The following ANKRD6 variants were observed in gnomAD, a reference collection of about 807,000 sequenced individuals.
ANKRD6 encodes ankyrin repeat domain-containing protein 6.
ANKRD6 carries 56 observed loss-of-function variants against 82.3 expected under a neutral mutation model. The observed-to-expected ratio is 0.68, with a 90% CI of 0.55 to 0.85. ANKRD6 has a LOEUF of 0.85. ANKRD6 is among the 40% of genes least tolerant of loss of function. The pLI is 0.00. For synonymous variants in ANKRD6, 347 were observed against 352.1 expected (o/e 0.99, Z 0.16); for missense variants, 852 against 907.6 (o/e 0.94, Z 0.79).
intron 1 of ANKRD6, among the ~76,000 whole-genome samples, chr6:89,553,091 A>T (rs1195024214): frequency 6.6e-6 from 1 of 152,236 alleles, no homozygotes; most frequent in South Asian, 2.1e-4. Context: ...AGAGAAGGTC[A>T]TGTGGGTTAG....
chr6:89,449,029 CAA>C (rs368751340), intron 1 of ANKRD6, among the ~76,000 whole-genome samples: 6 of 52,420 alleles, frequency 1.1e-4, no homozygotes, highest in Admixed American at 1.9e-4. Flanking sequence ...GACTCCGTCT[CAA>C]AAAAAAAAAA....
intron 1 of ANKRD6, among the ~76,000 whole-genome samples, chr6:89,491,954 C>T (rs1778062733): frequency 2.0e-5 from 3 of 152,182 alleles, no homozygotes. Context: ...TTTGTCCAAT[C>T]ATACTTCATC....
intron 1 of ANKRD6, among the ~76,000 whole-genome samples, chr6:89,466,584 T>C (rs1200228785): frequency 6.6e-6 from 1 of 152,244 alleles, no homozygotes; most frequent in Admixed American, 6.5e-5. Flanking sequence ...TTTTTAGCCT[T>C]TGTATTTTTA....
chr6:89,506,149 A>C (rs1562666336), intron 1 of ANKRD6, among the ~76,000 whole-genome samples: 2 of 152,156 alleles, frequency 1.3e-5, no homozygotes, highest in Admixed American at 6.5e-5. Context: ...CAGCATGGTG[A>C]CTATAGTTAG....
At chr6:89,493,581 T>A (rs966648504) in intron 1 of ANKRD6, among the ~76,000 whole-genome samples, 1 of 152,100 alleles carries the variant, frequency 6.6e-6, no homozygotes, top group African/African-American at 2.4e-5. Context: ...AGCTAATTTT[T>A]AAATTTTTTT....
chr6:89,582,216 T>A (rs559592965), intron 2 of ANKRD6, among the ~76,000 whole-genome samples: 12 of 152,170 alleles, frequency 7.9e-5, no homozygotes, highest in South Asian at 2.1e-4. Context: ...ATTAAAAAAA[T>A]TTTTTTGTAG....
In ANKRD6 at chr6:89,575,171, A is replaced by G. The variant is rs766655379; in HGVS notation, c.120+8075A>G. Among the ~76,000 whole-genome samples the G allele has an allele frequency of 1.6e-4, 24 of 152,200 alleles. 1 individual carries two copies. The highest frequency in any genetic ancestry group is 1.4e-3 in the Admixed American group (21 of 15,286). On this transcript the variant is annotated intron_variant, in intron 2 of 15. Coordinates refer to ENST00000339746, the MANE Select transcript of ANKRD6 (RefSeq NM_001242809.2). Reference sequence around the variant, plus strand: ...AATGGAGTGTTAAGACCTACATTCAACTAGGTCAGATAATTTCTTTATGGC... The same window carrying G: ...AATGGAGTGTTAAGACCTACATTCAGCTAGGTCAGATAATTTCTTTATGGC...
Position 89,600,950 on chromosome 6 carries a change from T to C in ANKRD6, c.220-2079T>C, listed in dbSNP as rs1797005614. 2.6e-5 allele frequency among the ~76,000 whole-genome samples: 4 copies of C among 152,032 alleles called. No homozygotes were observed. The South Asian group carries it at 6.2e-4, about 24-fold the overall frequency. On this transcript the variant is annotated intron_variant, in intron 3 of 15. Transcript: ENST00000339746. ...TACTCTGGAGGCTGAGGCAGAAGAA[T>C]CGCTTGAACCTGGGAGGCAGAGGTT...
At chr6:89,434,476 C>A (rs566347079) in intron 1 of ANKRD6, among the ~76,000 whole-genome samples, 30 of 152,240 alleles carry the variant, frequency 2.0e-4, no homozygotes, top group Non-Finnish European at 3.8e-4. Context: ...CAATAGCAGC[C>A]TTGGCGGGGT....
At chr6:89,496,950 C>T (rs1778698574) in intron 1 of ANKRD6, among the ~76,000 whole-genome samples, 1 of 152,196 alleles carries the variant, frequency 6.6e-6, no homozygotes, top group African/African-American at 2.4e-5. Context: ...TATTCCACTT[C>T]TTACTTTGCA....
At position 89,595,930 on chromosome 6, in the gene ANKRD6, C is replaced by A; in HGVS notation, c.135C>A (p.Pro45=). The A allele has an allele frequency of 6.2e-7, 1 of 1,609,108 alleles. No homozygotes were observed. ...RVAVTKHGRT[P]LHLAANKGHL... ...TGCATTCACAGCATGGCCGGACTCC[C>A]CTGCATCTTGCTGCCAATAAGGGCC... The change falls in exon 3 of 16, where the codon CCC becomes CCA. Residue 45 remains proline, a synonymous_variant. Coordinates refer to ENST00000339746, the MANE Select transcript of ANKRD6 (RefSeq NM_001242809.2).
chr6:89,555,770 A>G, intron 1 of ANKRD6, among the ~76,000 whole-genome samples: 1 of 152,140 alleles, frequency 6.6e-6, no homozygotes, highest in Non-Finnish European at 1.5e-5. Flanking sequence ...GGATGAGACT[A>G]TGCATGGATT....
intron 1 of ANKRD6, among the ~76,000 whole-genome samples, chr6:89,535,692 A>C (rs1201836556): frequency 6.6e-6 from 1 of 152,218 alleles, no homozygotes; most frequent in Non-Finnish European, 1.5e-5. Flanking sequence ...TCCTGAAAGA[A>C]TACAACAGCA....
Position 89,550,306 on chromosome 6 carries a change from G to A in ANKRD6, c.-143-16528G>A, listed in dbSNP as rs187481530. ...CCTAAAATCTCTTCAACAGAAGAAT[G>A]GATAAATGAGCTATAATATAGTCAC... On this transcript the variant is annotated intron_variant, in intron 1 of 15. Coordinates refer to ENST00000339746, the MANE Select transcript of ANKRD6 (RefSeq NM_001242809.2). Among the ~76,000 whole-genome samples, 8 of 152,114 alleles carry A rather than the reference G, an allele frequency of 5.3e-5. No homozygotes were observed. The East Asian group carries it at 1.4e-3, about 26-fold the overall frequency.
chr6:89,457,600 G>T (rs1158609804), intron 1 of ANKRD6, among the ~76,000 whole-genome samples: 1 of 152,074 alleles, frequency 6.6e-6, no homozygotes, highest in Non-Finnish European at 1.5e-5. Flanking sequence ...TCTATTAATA[G>T]ATTTATCTTC....
intron 1 of ANKRD6, among the ~76,000 whole-genome samples, chr6:89,444,636 T>C (rs1771833284): frequency 6.6e-6 from 1 of 152,194 alleles, no homozygotes; most frequent in Non-Finnish European, 1.5e-5. Flanking sequence ...TCTAGGGAAA[T>C]TGATTTCAAA....
intron 9 of ANKRD6, 99 bp from the exon 10 acceptor site, chr6:89,621,823 G>A: frequency 8.5e-7 from 1 of 1,180,748 alleles, no homozygotes; most frequent in Non-Finnish European, 1.2e-6. Flanking sequence ...CCTCTAAGCT[G>A]TAAATTCCAT....
chr6:89,474,236 C>T (rs957079652), intron 1 of ANKRD6, among the ~76,000 whole-genome samples: 1 of 152,200 alleles, frequency 6.6e-6, no homozygotes, highest in African/African-American at 2.4e-5. Context: ...GAAAACCTCA[C>T]AGTGAAGGGT....
intron 1 of ANKRD6, among the ~76,000 whole-genome samples, chr6:89,450,651 A>G (rs1361105157): frequency 1.3e-5 from 2 of 151,764 alleles, no homozygotes; most frequent in Non-Finnish European, 2.9e-5. Flanking sequence ...CCAAGTACCT[A>G]GGACTACAAG....
Sources: gnomAD v4.1 joint callset for allele counts (sites outside exome capture counted in the v4.1 genomes callset) on GRCh38, gnomAD v4.1.1 for gene constraint, MANE v1.5 for transcripts, NCBI Gene and HGNC (gene_info 2026-07-23, HGNC 2026-07-21) for gene names.